LEUTX: variants seen among roughly 807,000 people sequenced by gnomAD.
LEUTX encodes paired-like homeodomain transcription factor LEUTX.
Under a neutral mutation model 4.5 loss-of-function variants are expected in LEUTX, and 5 were observed. That is an observed-to-expected ratio of 1.11 (90% CI 0.58 to 2.34). The LOEUF (loss-of-function observed/expected upper bound fraction) is 2.34, where lower values mean the gene tolerates loss of function less well. Among genes scored for constraint, LEUTX ranks in the 30% most tolerant of loss-of-function variants. LEUTX has a pLI of 0.01. For missense variants in LEUTX, 233 were observed against 239.4 expected (o/e 0.97, Z 0.18); for synonymous variants, 89 against 85.1 (o/e 1.05, Z -0.25).
chr19:39,783,902 T>C (rs897219191), intron 1 of LEUTX, among the ~76,000 whole-genome samples: 2 of 152,168 alleles, frequency 1.3e-5, no homozygotes, highest in Non-Finnish European at 2.9e-5. Flanking sequence ...GTCAAATGTA[T>C]AGATTGTGAA....
chr19:39,777,999 C>T (rs553576166), upstream of LEUTX, among the ~76,000 whole-genome samples: 171 of 152,206 alleles, frequency 1.1e-3, 1 homozygote, highest in South Asian at 1.7e-3. Context: ...AGAGTCCCAT[C>T]TCTGCTTCAG....
At chr19:39,783,372 C>T (rs1407841034) in intron 1 of LEUTX, among the ~76,000 whole-genome samples, 1 of 145,614 alleles carries the variant, frequency 6.9e-6, no homozygotes, top group African/African-American at 2.6e-5. Flanking sequence ...TATACACACA[C>T]ACACACACAC....
chr19:39,776,556 G>A (rs1320878212), upstream of LEUTX: 1 of 455,606 alleles, frequency 2.2e-6, no homozygotes, highest in Non-Finnish European at 4.4e-6. Context: ...TAAGGGGAGG[G>A]TGTGCTCCAA....
chr19:39,783,339 T>TTA (rs1011225574), intron 1 of LEUTX, among the ~76,000 whole-genome samples: 31 of 123,840 alleles, frequency 2.5e-4, no homozygotes, highest in South Asian at 8.0e-4. Context: ...ACATAAATTA[T>TTA]TATATATATA....
At chr19:39,782,950 G>T (rs912246044) in intron 1 of LEUTX, among the ~76,000 whole-genome samples, 4 of 152,022 alleles carry the variant, frequency 2.6e-5, no homozygotes, top group Non-Finnish European at 5.9e-5. Context: ...TTCTTTAGTG[G>T]TGATTTGTGA....
chr19:39,781,941 A>G (rs1489972192), intron 1 of LEUTX, among the ~76,000 whole-genome samples: 2 of 152,202 alleles, frequency 1.3e-5, no homozygotes, highest in Non-Finnish European at 2.9e-5. Flanking sequence ...ACGGAGGCAA[A>G]CAGTATAAGT....
chr19:39,785,922 C>G lies in LEUTX; in HGVS notation c.384C>G (p.Ser128Arg), dbSNP rs147098601. 26 of 1,551,638 alleles carry G rather than the reference C, an allele frequency of 1.7e-5. No individual in the cohort carries two copies. The highest frequency in any genetic ancestry group is 2.3e-5 in the Non-Finnish European group (26 of 1,147,010). ...PSGIKNPGGA[S>R]ASARVSSWDS... is the part of the protein sequence containing the mutation. Reference sequence around the variant, plus strand: ...GTATCAAGAATCCTGGAGGAGCCAGCGCCTCTGCGAGGGTTTCATCCTGGG... The same window carrying G: ...GTATCAAGAATCCTGGAGGAGCCAGGGCCTCTGCGAGGGTTTCATCCTGGG... The change falls in exon 3 of 3, where the codon AGC becomes AGG. Residue 128 changes from serine to arginine, a missense_variant. Ser to Arg is a moderately radical substitution (Grantham distance 110). Coordinates refer to ENST00000638280, the MANE Select transcript of LEUTX (RefSeq NM_001382345.1).
rs1229036725 is a variant in LEUTX at position 39,784,620 on chromosome 19, G to A, written c.101G>A (p.Ser34Asn). 2 of 1,551,380 alleles carry A rather than the reference G, an allele frequency of 1.3e-6. No homozygotes were observed. Among genetic ancestry groups the A allele is most frequent in the African/African-American group, 1.4e-5 (1 of 73,138 alleles). The change falls in exon 2 of 3, where the codon AGT becomes AAT. Residue 34 changes from serine (S) to asparagine (N), a missense_variant. Ser to Asn is a conservative substitution (Grantham distance 46). Transcript: ENST00000638280. ...TTGCTTGAAAAGACCATGCACCCAA[G>A]TTTGGCTACAATGGGGAAACTGGCT... ...RELLEKTMHP[S>N]LATMGKLASK...
At chr19:39,777,877 CCA>C (rs1230646435), upstream of LEUTX, among the ~76,000 whole-genome samples, 47 of 152,186 alleles carry the variant, frequency 3.1e-4, 2 homozygotes, top group Non-Finnish European at 7.3e-5. Flanking sequence ...TGCAATGTTC[CCA>C]GAGACAGAGT....
At chr19:39,779,586 A>AT (rs1967854466) in intron 1 of LEUTX, among the ~76,000 whole-genome samples, 1 of 152,132 alleles carries the variant, frequency 6.6e-6, no homozygotes, top group South Asian at 2.1e-4. Context: ...TATGTGTTGC[A>AT]AATATATTCT....
At chr19:39,776,645 G>T (rs759095337), upstream of LEUTX, 1 of 456,136 alleles carries the variant, frequency 2.2e-6, no homozygotes, top group South Asian at 1.5e-5. Flanking sequence ...CTGTCAGGCG[G>T]GCACCTGGAA....
intron 1 of LEUTX, among the ~76,000 whole-genome samples, chr19:39,779,563 A>T (rs547881439): frequency 6.6e-6 from 1 of 152,086 alleles, no homozygotes; most frequent in South Asian, 2.1e-4. Context: ...AGACACTAAT[A>T]ATTTATCTCT....
At chr19:39,777,272 C>T (rs191312760), upstream of LEUTX, among the ~76,000 whole-genome samples, 4 of 152,160 alleles carry the variant, frequency 2.6e-5, no homozygotes, top group East Asian at 1.9e-4. Flanking sequence ...ATCAGAACTG[C>T]GTATTGTCTT....
intron 1 of LEUTX, among the ~76,000 whole-genome samples, chr19:39,782,397 G>T (rs1040532242): frequency 6.6e-6 from 1 of 152,084 alleles, no homozygotes; most frequent in Non-Finnish European, 1.5e-5. Context: ...CTTTTGCTTA[G>T]GTCTCATTCC....
chr19:39,785,677 TC>T lies in LEUTX; in HGVS notation c.160-15del, dbSNP rs776861037. On this transcript the variant is annotated intron_variant, in intron 2 of 2. Transcript: ENST00000638280. ...TTATACTCAACATCCATTATTAACCTCCCCCCTCCTCCCTCCTTAGATCTGG... is the reference window on the plus strand; with the variant it reads ...TTATACTCAACATCCATTATTAACCTCCCCCTCCTCCCTCCTTAGATCTGG... 51 of 1,539,782 alleles carry T rather than the reference TC, an allele frequency of 3.3e-5. No individual in the cohort carries two copies. In the Admixed American group the frequency reaches 4.4e-4, roughly 13 times the overall value.
upstream of LEUTX, among the ~76,000 whole-genome samples, chr19:39,778,617 T>C (rs1967834545): frequency 6.6e-6 from 1 of 151,356 alleles, no homozygotes; most frequent in Admixed American, 6.6e-5. Context: ...TTCAGTTCGC[T>C]CCACTTTCTT....
At chr19:39,777,201 ACTACTGCACATCCTCTGAATCAGTG>A (rs1372803623), upstream of LEUTX, among the ~76,000 whole-genome samples, 2 of 152,092 alleles carry the variant, frequency 1.3e-5, no homozygotes, top group Non-Finnish European at 2.9e-5. Context: ...TTACCTTAAA[ACTACTGCACATCCTCTGAATCAGTG>A]CTGTTGGTGG....
chr19:39,776,996 G>T (rs2144950952), upstream of LEUTX, among the ~76,000 whole-genome samples: 1 of 152,266 alleles, frequency 6.6e-6, no homozygotes. Flanking sequence ...CCCGACCTTG[G>T]TTGGCCTTTC....
chr19:39,784,534 A>G lies in LEUTX; in HGVS notation c.15A>G (p.Pro5=), dbSNP rs1967935438. The G allele has an allele frequency of 9.6e-7, 1 of 1,037,940 alleles. No individual in the cohort carries two copies. The highest frequency in any genetic ancestry group is 2.6e-5 in the East Asian group (1 of 38,580). 64.3% of individuals were successfully genotyped at this position (1,037,940 alleles called of 1,614,324 possible). A position where few individuals can be genotyped will look rare whatever the true frequency, so the allele number is the denominator to read the frequency against. The change falls in exon 2 of 3, where the codon CCA becomes CCG. Residue 5 remains proline, a synonymous_variant. Coordinates refer to ENST00000638280, the MANE Select transcript of LEUTX (RefSeq NM_001382345.1). ...TATCTGTTCCCTCTGCAGAAGGGCCAAGGCGTTATCGTCGGCCACGCACAA... is the reference window on the plus strand; with the variant it reads ...TATCTGTTCCCTCTGCAGAAGGGCCGAGGCGTTATCGTCGGCCACGCACAA... The part of the protein sequence containing the change: MFEG[P]RRYRRPRTRF...
Sources: allele counts gnomAD v4.1 joint callset (sites outside exome capture counted in the v4.1 genomes callset), GRCh38; gene constraint gnomAD v4.1.1; transcripts MANE v1.5; gene names NCBI Gene and HGNC (gene_info 2026-07-23, HGNC 2026-07-21).